Variants in SPATA6 observed in about 807,000 individuals in gnomAD.
SPATA6 encodes the protein spermatogenesis associated 6.
A neutral mutation model predicts 65.3 loss-of-function variants in SPATA6; 56 were observed. The ratio of observed to expected loss-of-function variants is 0.86; its 90% CI spans 0.69 to 1.07. The LOEUF is 1.07. Ranked by LOEUF, SPATA6 falls within the 50% of genes least tolerant of loss-of-function variation. The pLI is 0.00. For missense variants in SPATA6, 590 were observed against 594.8 expected, an observed-to-expected ratio of 0.99 and a Z score of 0.08; for synonymous variants, 199 against 213.2, an observed-to-expected ratio of 0.93 and a Z score of 0.58.
At chr1:48,267,815 G>A in the SPATA6 span, among the ~76,000 whole-genome samples, 14 of 122,520 alleles carry the variant, frequency 1.1e-4, no homozygotes, top group South Asian at 2.3e-3. Context: ...GCAGTGACAC[G>A]ATCTCGGCTC....
chr1:48,419,026 C>T (rs929449087), intron 3 of SPATA6, among the ~76,000 whole-genome samples: 1 of 152,134 alleles, frequency 6.6e-6, no homozygotes, highest in Non-Finnish European at 1.5e-5. Context: ...GTCAATTACT[C>T]TGCAACCTCA....
chr1:48,306,100 T>C (rs1027483971), intron 11 of SPATA6, among the ~76,000 whole-genome samples: 6 of 152,032 alleles, frequency 3.9e-5, no homozygotes, highest in African/African-American at 1.2e-4. Flanking sequence ...CTAATATTGC[T>C]TATCAAAGAC....
At chr1:48,266,238 A>G in the SPATA6 span, among the ~76,000 whole-genome samples, 1 of 152,232 alleles carries the variant, frequency 6.6e-6, no homozygotes, top group Non-Finnish European at 1.5e-5. Context: ...TCAATCACTG[A>G]AAATCAAATA....
chr1:48,316,331 A>C (rs905087535), intron 11 of SPATA6, among the ~76,000 whole-genome samples: 32 of 152,326 alleles, frequency 2.1e-4, no homozygotes, highest in African/African-American at 6.7e-4. Flanking sequence ...GTACCAAAAC[A>C]GAGATATAGA....
At chr1:48,311,231 C>A (rs982029552) in intron 11 of SPATA6, among the ~76,000 whole-genome samples, 1 of 151,894 alleles carries the variant, frequency 6.6e-6, no homozygotes, top group African/African-American at 2.4e-5. Context: ...TAAATGAGAT[C>A]AAAAATAGAA....
chr1:48,347,443 T>TATGTATATATA (rs892680901), intron 11 of SPATA6, among the ~76,000 whole-genome samples: 1 of 146,196 alleles, frequency 6.8e-6, no homozygotes, highest in Admixed American at 6.9e-5. Context: ...ATATAATATA[T>TATGTATATATA]ATGTATATAT....
At chr1:48,368,384 G>A (rs1372003561) in intron 9 of SPATA6, among the ~76,000 whole-genome samples, 1 of 152,212 alleles carries the variant, frequency 6.6e-6, no homozygotes, top group African/African-American at 2.4e-5. Context: ...ATATCCTGCA[G>A]AGTGTTTTTC....
At chr1:48,290,192 A>G in the SPATA6 span, among the ~76,000 whole-genome samples, 1 of 152,214 alleles carries the variant, frequency 6.6e-6, no homozygotes, top group Non-Finnish European at 1.5e-5. Context: ...GGGGGCCAAT[A>G]TTCAACATTC....
chr1:48,336,199 A>T (rs1298450555), intron 11 of SPATA6, among the ~76,000 whole-genome samples: 3 of 152,082 alleles, frequency 2.0e-5, no homozygotes, highest in Non-Finnish European at 2.9e-5. Flanking sequence ...AAATTAGTTC[A>T]ACCATTGTGA....
At chr1:48,368,543 T>C (rs2148849270) in intron 9 of SPATA6, among the ~76,000 whole-genome samples, 1 of 152,348 alleles carries the variant, frequency 6.6e-6, no homozygotes, top group Non-Finnish European at 1.5e-5. Flanking sequence ...ATTTCATTCA[T>C]TTCATCTTCC....
chr1:48,452,402 TA>T (rs200558955), intron 2 of SPATA6, among the ~76,000 whole-genome samples: 5,217 of 147,514 alleles, frequency 0.035, 298 homozygotes, highest in African/African-American at 0.12. Context: ...TTTTTTTTTT[TA>T]GATGGAGTCT....
At position 48,333,203 on chromosome 1, in the gene SPATA6, T is replaced by G. The variant is rs149693343; in HGVS notation, c.1194+22467A>C. Among the ~76,000 whole-genome samples, 1,058 of 152,296 alleles carry G rather than the reference T, an allele frequency of 6.9e-3. 13 individuals are homozygous for G. Among genetic ancestry groups the G allele is most frequent in the Non-Finnish European group, 5.8e-3 (397 of 68,014 alleles). On this transcript the variant is annotated intron_variant, in intron 11 of 12. Transcript: ENST00000371847. ...AGTGCGGCTAGGAAAACCAGGCAGA[T>G]GAAGGTAGAAGAAGCTGATTTGCTG...
chr1:48,281,182 C>T, the SPATA6 span, among the ~76,000 whole-genome samples: 1 of 151,988 alleles, frequency 6.6e-6, no homozygotes, highest in Non-Finnish European at 1.5e-5. Context: ...TGGGATGTAT[C>T]TCAAAATAAT....
At chr1:48,365,225 G>C (rs1026118592) in intron 9 of SPATA6, among the ~76,000 whole-genome samples, 9 of 152,170 alleles carry the variant, frequency 5.9e-5, no homozygotes, top group African/African-American at 2.2e-4. Context: ...TTTGAAGTCA[G>C]GTAGCGTGGT....
intron 9 of SPATA6, among the ~76,000 whole-genome samples, chr1:48,370,767 TG>T (rs1314162497): frequency 2.0e-5 from 3 of 152,162 alleles, no homozygotes; most frequent in Admixed American, 6.6e-5. Flanking sequence ...TGTTAAGCAG[TG>T]GGGGTTCCAG....
chr1:48,407,293 T>A (rs1220029347), intron 5 of SPATA6, among the ~76,000 whole-genome samples: 2 of 152,192 alleles, frequency 1.3e-5, no homozygotes, highest in Non-Finnish European at 2.9e-5. Context: ...CCCCTTGATA[T>A]GCAGTTTCAC....
intron 5 of SPATA6, among the ~76,000 whole-genome samples, chr1:48,410,487 C>T (rs1390859912): frequency 6.6e-6 from 1 of 152,168 alleles, no homozygotes; most frequent in Admixed American, 6.6e-5. Context: ...TCCACATTCT[C>T]GGGTATCTTA....
At chr1:48,265,019 G>A in the SPATA6 span, among the ~76,000 whole-genome samples, 1 of 152,046 alleles carries the variant, frequency 6.6e-6, no homozygotes, top group South Asian at 2.1e-4. Context: ...AAGCTCTAAT[G>A]GCCTACTTCT....
At chr1:48,281,447 C>T in the SPATA6 span, among the ~76,000 whole-genome samples, 21,327 of 152,176 alleles carry the variant, frequency 0.14, 1,693 homozygotes, top group African/African-American at 0.2. Flanking sequence ...ATCGTCTCAG[C>T]CCAAAATCTC....
Sources: gnomAD v4.1 joint callset for allele counts (sites outside exome capture counted in the v4.1 genomes callset) on GRCh38, gnomAD v4.1.1 for gene constraint, MANE v1.5 for transcripts, NCBI Gene and HGNC (gene_info 2026-07-23, HGNC 2026-07-21) for gene names.